The following CD58 variants were observed in gnomAD, a reference collection of about 807,000 sequenced individuals.
CD58 encodes CD58 molecule.
CD58 carries 14 observed loss-of-function variants against 27.6 expected under a neutral mutation model. The observed-to-expected ratio is 0.51, with a 90% confidence interval of 0.34 to 0.79. CD58 has a LOEUF of 0.79. Among genes scored for constraint, CD58 ranks in the 30% least tolerant of loss-of-function variants. The pLI is 0.02. For synonymous variants in CD58, 117 were observed against 103.8 expected (o/e 1.13, Z -0.77); for missense variants, 268 against 301.7 (o/e 0.89, Z 0.83).
chr1:116,519,418 T>A lies in CD58; in HGVS notation c.707-151A>T. 1 of 725,128 alleles carries A rather than the reference T, an allele frequency of 1.4e-6. No individual in the cohort carries two copies. Among genetic ancestry groups the A allele is most frequent in the Non-Finnish European group, 2.4e-6 (1 of 414,700 alleles). The allele number at this position is 725,128 out of a possible 1,614,324, so 44.9% of individuals were successfully genotyped here. On this transcript the variant is annotated intron_variant, in intron 4 of 5. Transcript: ENST00000369489. The surrounding 1 kb of genome is among the most constrained non-coding windows in gnomAD (Gnocchi z 4.7). ...TTCCTGCTATCCTATATGCTTTAAATCAAATCGGCTACAGAGCTGGTCCAA... is the reference window on the plus strand; with the variant it reads ...TTCCTGCTATCCTATATGCTTTAAAACAAATCGGCTACAGAGCTGGTCCAA...
At chr1:116,540,350 TA>T (rs60462818) in intron 2 of CD58, among the ~76,000 whole-genome samples, 27,749 of 143,228 alleles carry the variant, frequency 0.19, 3,260 homozygotes, top group East Asian at 0.54. Context: ...CCTCTTTTCT[TA>T]AAAAAAAAAA....
Position 116,521,835 on chromosome 1 carries a change from T to TTAAAC in CD58, c.706+66_706+70dup. ...AAAATTTCAAACTTTATTTTCATCC[T>TTAAAC]TAAACTATTTTCTGACCTTTGGAAA... On this transcript the variant is annotated intron_variant, in intron 4 of 5. Coordinates refer to ENST00000369489, the MANE Select transcript of CD58 (RefSeq NM_001779.3). This position sits in a 1 kb window ranked among gnomAD's most constrained non-coding sequence, Gnocchi z 5.6. The TTAAAC allele has an allele frequency of 4.2e-6, 4 of 957,456 alleles. No homozygotes were observed. The highest frequency in any genetic ancestry group is 6.5e-6 in the Non-Finnish European group (4 of 616,762). The allele number at this position is 957,456 out of a possible 1,614,324, so 59.3% of individuals were successfully genotyped here.
Position 116,559,865 on chromosome 1 carries a change from C to A in CD58, c.70+11038G>T, listed in dbSNP as rs1334664683. On this transcript the variant is annotated intron_variant, in intron 1 of 5. Coordinates refer to ENST00000369489, the MANE Select transcript of CD58 (RefSeq NM_001779.3). This position sits in a 1 kb window ranked among gnomAD's most constrained non-coding sequence, Gnocchi z 4.4. ...ATGTTTCCCTTTAGACCTATGCAAT[C>A]CATCAAAGTAGCTACCAGCTACAAG... Among the ~76,000 whole-genome samples the A allele has an allele frequency of 2.0e-5, 3 of 152,164 alleles. No homozygotes were observed. The highest frequency in any genetic ancestry group is 4.4e-5 in the Non-Finnish European group (3 of 68,040).
chr1:116,570,986 G>A lies in CD58; in HGVS notation c.-14C>T. On this transcript the variant is annotated 5_prime_UTR_variant, in exon 1 of 6. Coordinates refer to ENST00000369489, the MANE Select transcript of CD58 (RefSeq NM_001779.3). The surrounding 1 kb of genome is among the most constrained non-coding windows in gnomAD (Gnocchi z 6.4). ...CCCAGCAACCATGGCTCGTCGGGCC[G>A]GCCTCTGCGCGAGTGCCCAGCCACA... 1 of 1,539,512 alleles carries A rather than the reference G, an allele frequency of 6.5e-7. No homozygotes were observed. The highest frequency in any genetic ancestry group is 8.7e-7 in the Non-Finnish European group (1 of 1,149,780).
chr1:116,551,521 A>T (rs1410734261), intron 1 of CD58, among the ~76,000 whole-genome samples: 2 of 152,170 alleles, frequency 1.3e-5, no homozygotes, highest in Admixed American at 6.5e-5. Flanking sequence ...TAGGCTTTGG[A>T]TTAAGGGAAT....
rs1659114339 is a variant in CD58 at position 116,570,799 on chromosome 1, C to T, written c.70+104G>A. On this transcript the variant is annotated intron_variant, in intron 1 of 5. Transcript: ENST00000369489. This position sits in a 1 kb window ranked among gnomAD's most constrained non-coding sequence, Gnocchi z 6.4. ...CGGCCCACAGCGACCCGTCCCCACC[C>T]GTCTCTGATCGGCAACCGCCTCGAG... is the stretch of plus-strand genomic sequence containing the variant. The T allele has an allele frequency of 2.4e-6, 2 of 827,370 alleles. No homozygotes were observed. Among genetic ancestry groups the T allele is most frequent in the African/African-American group, 1.8e-5 (1 of 56,292 alleles). The allele number at this position is 827,370 out of a possible 1,614,324, so 51.3% of individuals were successfully genotyped here. A position where few individuals can be genotyped will look rare whatever the true frequency, so the allele number is the denominator to read the frequency against.
chr1:116,570,278 T>C lies in CD58; in HGVS notation c.70+625A>G, dbSNP rs1005783961. ...GAGAGGATGGAACCAGTTCTGATAC[T>C]AGTTTTTAGGATTTGAGGGGAGGAA... On this transcript the variant is annotated intron_variant, in intron 1 of 5. Transcript: ENST00000369489. The surrounding 1 kb of genome is among the most constrained non-coding windows in gnomAD (Gnocchi z 6.4). Among the ~76,000 whole-genome samples the C allele has an allele frequency of 6.6e-6, 1 of 152,192 alleles. No individual in the cohort carries two copies. Among genetic ancestry groups the C allele is most frequent in the African/African-American group, 2.4e-5 (1 of 41,458 alleles).
rs1240256409 is a variant in CD58, at chr1:116,570,524, TCA to T, written c.70+377_70+378del. Among the ~76,000 whole-genome samples the T allele has an allele frequency of 1.3e-5, 2 of 151,734 alleles. No homozygotes were observed. Among genetic ancestry groups the T allele is most frequent in the Non-Finnish European group, 2.9e-5 (2 of 67,878 alleles). On this transcript the variant is annotated intron_variant, in intron 1 of 5. Transcript: ENST00000369489. The surrounding 1 kb of genome is among the most constrained non-coding windows in gnomAD (Gnocchi z 6.4). The stretch of plus-strand genomic sequence containing the variant: ...CGCCCGCTCCCCGTCCCGGGCGCGT[TCA>T]CGGCTGGGAAAAATTTTGCAGTCCG...
At position 116,532,326 on chromosome 1, in the gene CD58, C is replaced by G. The variant is rs569582741; in HGVS notation, c.628+3639G>C. ...AAATATGAGGTGACCCGTGGCAGCT[C>G]TCGCCTGAGCTGGTGTGCCACAACC... On this transcript the variant is annotated intron_variant, in intron 3 of 5. Transcript: ENST00000369489. The surrounding 1 kb of genome is among the most constrained non-coding windows in gnomAD (Gnocchi z 5.1). Among the ~76,000 whole-genome samples, 8 of 152,326 alleles carry G rather than the reference C, an allele frequency of 5.3e-5. No individual in the cohort carries two copies. Among genetic ancestry groups the G allele is most frequent in the South Asian group, 2.1e-4 (1 of 4,828 alleles).
rs1657095297 is a variant in CD58 at position 116,516,821 on chromosome 1, T to C, written c.744-1999A>G. On this transcript the variant is annotated intron_variant, in intron 5 of 5. Transcript: ENST00000369489. The surrounding 1 kb of genome is among the most constrained non-coding windows in gnomAD (Gnocchi z 6.1). ...TCCTGCCTAAGTCCTTCTAAGAGTT[T>C]CGTATGCTCATGTGCATCCATTCTC... Among the ~76,000 whole-genome samples the C allele has an allele frequency of 6.6e-6, 1 of 152,192 alleles. No homozygotes were observed. The highest frequency in any genetic ancestry group is 1.5e-5 in the Non-Finnish European group (1 of 68,020).
rs958597036 is a variant in CD58 at position 116,563,347 on chromosome 1, G to A, written c.70+7556C>T. Among the ~76,000 whole-genome samples the A allele has an allele frequency of 2.6e-5, 4 of 151,856 alleles. No individual in the cohort carries two copies. Among genetic ancestry groups the A allele is most frequent in the Middle Eastern group, 3.2e-3 (1 of 316 alleles). On this transcript the variant is annotated intron_variant, in intron 1 of 5. Transcript: ENST00000369489. The surrounding 1 kb of genome is among the most constrained non-coding windows in gnomAD (Gnocchi z 4.1). ...GTGTCTGTGGCTTTTCCAGGTACAC[G>A]GTGCAAGCTCTCGGTGGATCTACCA...
At chr1:116,518,238 G>T (rs889563988) in intron 5 of CD58, among the ~76,000 whole-genome samples, 1 of 152,058 alleles carries the variant, frequency 6.6e-6, no homozygotes, top group East Asian at 1.9e-4. Flanking sequence ...ACTGCCAGAT[G>T]AAAGTTTTGC....
Position 116,542,642 on chromosome 1 carries a change from AC to A in CD58, c.364+1668del, listed in dbSNP as rs1308160322. ...TATATATGTATGCCACTTAAAATGA[AC>A]CATCAACTTATGGGGGAAATTCTCA... is the stretch of plus-strand genomic sequence containing the variant. On this transcript the variant is annotated intron_variant, in intron 2 of 5. Coordinates refer to ENST00000369489, the MANE Select transcript of CD58 (RefSeq NM_001779.3). Among the ~76,000 whole-genome samples, 4 of 152,326 alleles carry A rather than the reference AC, an allele frequency of 2.6e-5. No individual in the cohort carries two copies. The East Asian group carries it at 7.7e-4, about 29-fold the overall frequency.
chr1:116,562,588 C>T (rs375782303), intron 1 of CD58, among the ~76,000 whole-genome samples: 1 of 152,158 alleles, frequency 6.6e-6, no homozygotes, highest in East Asian at 1.9e-4. Context: ...TCAATGGACT[C>T]ACAGTTCCAC....
rs765513618 is a variant in CD58, at chr1:116,535,965, C to T, written c.628G>A (p.Gly210Ser). The change falls in exon 3 of 6, where the codon GGT (glycine) becomes AGT (serine). Residue 210 changes from glycine to serine, a missense_variant and splice_region_variant. Coordinates refer to ENST00000369489, the MANE Select transcript of CD58 (RefSeq NM_001779.3). Reference sequence around the variant, plus strand: ...ATGACACATTTAGTTATTTACTCACCGCTGCTTGGGATACAGGTTGTCAAA... The same window carrying T: ...ATGACACATTTAGTTATTTACTCACTGCTGCTTGGGATACAGGTTGTCAAA... ...IILTTCIPSS[G>S]HSRHRYALIP... 21 of 1,602,194 alleles carry T rather than the reference C, an allele frequency of 1.3e-5. No homozygotes were observed. The highest frequency in any genetic ancestry group is 4.5e-5 in the East Asian group (2 of 44,756).
Position 116,536,141 on chromosome 1 carries a change from T to C in CD58, c.452A>G (p.His151Arg), listed in dbSNP as rs151184981. 3 of 1,613,372 alleles carry C rather than the reference T, an allele frequency of 1.9e-6. No homozygotes were observed. Among genetic ancestry groups the C allele is most frequent in the Non-Finnish European group, 1.7e-6 (2 of 1,179,442 alleles). Residue 151 changes from histidine (H) to arginine (R), a missense_variant, in exon 3 of 6, where the codon CAT (histidine) becomes CGT (arginine). His to Arg is a conservative substitution (Grantham distance 29). Coordinates refer to ENST00000369489, the MANE Select transcript of CD58 (RefSeq NM_001779.3). This position sits in a 1 kb window ranked among gnomAD's most constrained non-coding sequence, Gnocchi z 5.4. ...CCATGAGTACATTATAAGTCCTCGA[T>C]GGCTGTTGTAATGCTCTGGTATCAT... Reference protein sequence around the residue: ...QCMIPEHYNSHRGLIMYSWDC... With the variant: ...QCMIPEHYNSRRGLIMYSWDC...
chr1:116,519,471 T>C lies in CD58; in HGVS notation c.707-204A>G, dbSNP rs1318850806. Among the ~76,000 whole-genome samples, 1 of 152,160 alleles carries C rather than the reference T, an allele frequency of 6.6e-6. No homozygotes were observed. Among genetic ancestry groups the C allele is most frequent in the Non-Finnish European group, 1.5e-5 (1 of 68,032 alleles). On this transcript the variant is annotated intron_variant, in intron 4 of 5. Coordinates refer to ENST00000369489, the MANE Select transcript of CD58 (RefSeq NM_001779.3). This position sits in a 1 kb window ranked among gnomAD's most constrained non-coding sequence, Gnocchi z 4.7. ...AGTTGTTCAAAAATTGGTCAGAACA[T>C]GATAGAAAACCAAATGCAAAAACTG...
intron 1 of CD58, among the ~76,000 whole-genome samples, chr1:116,564,362 A>G (rs1459407183): frequency 4.6e-5 from 7 of 152,042 alleles, no homozygotes; most frequent in Non-Finnish European, 1.0e-4. Flanking sequence ...AACTATTCCA[A>G]TCCCTGCCTG....
At chr1:116,566,532 G>A (rs554646620) in intron 1 of CD58, among the ~76,000 whole-genome samples, 6 of 152,142 alleles carry the variant, frequency 3.9e-5, no homozygotes, top group Non-Finnish European at 8.8e-5. Context: ...AAGAAACCAG[G>A]GAACCTAATG....
Sources: allele counts gnomAD v4.1 joint callset (sites outside exome capture counted in the v4.1 genomes callset), GRCh38; gene constraint gnomAD v4.1.1; non-coding constraint Gnocchi (gnomAD v3.1); transcripts MANE v1.5; gene names NCBI Gene and HGNC (gene_info 2026-07-23, HGNC 2026-07-21).